GRIP1: variants seen among roughly 807,000 people sequenced by gnomAD.
GRIP1 encodes the protein glutamate receptor interacting protein 1.
Under a neutral mutation model 129.9 loss-of-function variants are expected in GRIP1, and 45 were observed. That is an observed-to-expected ratio of 0.35 (90% CI 0.27 to 0.44). The LOEUF (loss-of-function observed/expected upper bound fraction) is 0.44. Among genes scored for constraint, GRIP1 ranks in the 20% least tolerant of loss-of-function variants. GRIP1 has a pLI of 1.00. For synonymous variants in GRIP1, 530 were observed against 520.8 expected (o/e 1.02, Z -0.24); for missense variants, 1,196 against 1,396.8 (o/e 0.86, Z 2.29).
chr12:66,640,083 A>C (rs963318180), intron 1 of GRIP1, among the ~76,000 whole-genome samples: 18 of 152,160 alleles, frequency 1.2e-4, no homozygotes, highest in African/African-American at 4.1e-4. Flanking sequence ...ACTTCTCCTG[A>C]AAGCCTCCAC....
upstream of GRIP1, among the ~76,000 whole-genome samples, chr12:66,808,884 G>A (rs991424515): frequency 2.6e-5 from 4 of 152,100 alleles, no homozygotes; most frequent in Admixed American, 6.5e-5. Context: ...GTACTATCCT[G>A]ACTAGCCAGT....
intron 1 of GRIP1, among the ~76,000 whole-genome samples, chr12:66,834,916 C>A (rs2039583816): frequency 8.4e-6 from 1 of 118,736 alleles, no homozygotes; most frequent in Admixed American, 9.6e-5. Context: ...CATGACAAGA[C>A]TCGTCTCTTT....
rs2062389836 is a variant in GRIP1 at position 66,557,918 on chromosome 12, G to C, written c.137-15968C>G. Among the ~76,000 whole-genome samples, 3 of 151,910 alleles carry C rather than the reference G, an allele frequency of 2.0e-5. No individual in the cohort carries two copies. The South Asian group carries it at 6.2e-4, about 32-fold the overall frequency. On this transcript the variant is annotated intron_variant, in intron 2 of 24. Coordinates refer to ENST00000359742, the MANE Select transcript of GRIP1 (RefSeq NM_001366722.1). ...GCATCTTAAAGAACTAGAAAAGCAA[G>C]AGCAAACCAAACCCAAAATTAGTAG...
At chr12:67,056,867 A>G (rs2043445479) in intron 1 of GRIP1, among the ~76,000 whole-genome samples, 1 of 151,980 alleles carries the variant, frequency 6.6e-6, no homozygotes, top group Admixed American at 6.6e-5. Flanking sequence ...CTGGGGTGCA[A>G]TGGCATGTTC....
At chr12:66,600,696 AGAAT>A (rs2064238156) in intron 1 of GRIP1, among the ~76,000 whole-genome samples, 1 of 152,250 alleles carries the variant, frequency 6.6e-6, no homozygotes, top group East Asian at 1.9e-4. Context: ...TTCAGATTAT[AGAAT>A]GATTTATTGA....
chr12:66,528,347 C>T (rs890529052), intron 5 of GRIP1, among the ~76,000 whole-genome samples: 2 of 151,996 alleles, frequency 1.3e-5, no homozygotes, highest in African/African-American at 2.4e-5. Context: ...CCGTGTTAGC[C>T]AGGATGGTCT....
chr12:66,839,133 T>C (rs2039669759), intron 1 of GRIP1, among the ~76,000 whole-genome samples: 1 of 152,146 alleles, frequency 6.6e-6, no homozygotes, highest in African/African-American at 2.4e-5. Context: ...CAGATTCATA[T>C]TTCAAATAAA....
At chr12:66,540,943 C>A (rs1272092025) in intron 3 of GRIP1, among the ~76,000 whole-genome samples, 1 of 152,006 alleles carries the variant, frequency 6.6e-6, no homozygotes, top group African/African-American at 2.4e-5. Context: ...GGATTACAGG[C>A]ATGTGCCATC....
intron 1 of GRIP1, among the ~76,000 whole-genome samples, chr12:66,609,513 T>A (rs910583810): frequency 6.6e-6 from 1 of 152,276 alleles, no homozygotes; most frequent in African/African-American, 2.4e-5. Flanking sequence ...GATGCTTAGA[T>A]TTAATAGTCC....
intron 9 of GRIP1, among the ~76,000 whole-genome samples, chr12:66,460,365 A>G (rs10878430): frequency 0.42 from 63,093 of 151,920 alleles, 13,987 homozygotes; most frequent in African/African-American, 0.55. Flanking sequence ...GCAGCCTCTT[A>G]CTCTGTTCAG....
At chr12:66,923,205 A>G (rs1291852853) in intron 1 of GRIP1, among the ~76,000 whole-genome samples, 2 of 152,284 alleles carry the variant, frequency 1.3e-5, no homozygotes, top group South Asian at 2.1e-4. Context: ...TCTTAGGCTG[A>G]CACAGTGGCA....
chr12:66,757,460 C>T (rs897625204), intron 1 of GRIP1, among the ~76,000 whole-genome samples: 1 of 152,130 alleles, frequency 6.6e-6, no homozygotes, highest in Non-Finnish European at 1.5e-5. Flanking sequence ...TACCACATTT[C>T]CCTTATCCAT....
chr12:66,620,712 T>C (rs1691918756), intron 1 of GRIP1, among the ~76,000 whole-genome samples: 1 of 151,940 alleles, frequency 6.6e-6, no homozygotes, highest in Non-Finnish European at 1.5e-5. Flanking sequence ...CTGCCTTCCT[T>C]CCTTCCTTTT....
At chr12:66,518,046 A>C (rs193046189) in intron 5 of GRIP1, 70 bp from the exon 6 acceptor site, 3 of 874,568 alleles carry the variant, frequency 3.4e-6, no homozygotes, top group Non-Finnish European at 5.9e-6. Context: ...CACCTACAAG[A>C]TATCAGCTGA....
chr12:66,702,362 T>C (rs1011848274), intron 1 of GRIP1, among the ~76,000 whole-genome samples: 3 of 152,140 alleles, frequency 2.0e-5, no homozygotes, highest in African/African-American at 7.2e-5. Context: ...CTCCCCAAAT[T>C]TGGGATCTCT....
chr12:66,947,415 T>C (rs1387806332), intron 1 of GRIP1, among the ~76,000 whole-genome samples: 1 of 152,222 alleles, frequency 6.6e-6, no homozygotes, highest in African/African-American at 2.4e-5. Flanking sequence ...ATTTAGAAGA[T>C]GATGCTCATT....
intron 1 of GRIP1, among the ~76,000 whole-genome samples, chr12:66,767,651 G>A (rs528078091): frequency 6.6e-6 from 1 of 151,704 alleles, no homozygotes; most frequent in South Asian, 2.1e-4. Flanking sequence ...TCTTGCCGTA[G>A]GCTGAAAAAC....
intron 5 of GRIP1, among the ~76,000 whole-genome samples, chr12:66,528,136 T>TTTTTTTTTTTG (rs2061322666): frequency 1.5e-5 from 1 of 66,718 alleles, no homozygotes; most frequent in Non-Finnish European, 2.9e-5. Context: ...ATTAGTAGGT[T>TTTTTTTTTTTG]TTTTTTTTTT....
chr12:67,029,860 G>T (rs1475789257), intron 1 of GRIP1, among the ~76,000 whole-genome samples: 1 of 151,582 alleles, frequency 6.6e-6, no homozygotes, highest in Non-Finnish European at 1.5e-5. Flanking sequence ...CTTCAAATAG[G>T]AATTGCTTAG....
Sources: allele counts gnomAD v4.1 joint callset (sites outside exome capture counted in the v4.1 genomes callset), GRCh38; gene constraint gnomAD v4.1.1; transcripts MANE v1.5; gene names NCBI Gene and HGNC (gene_info 2026-07-23, HGNC 2026-07-21).